Variants in OVCH1 observed in about 807,000 individuals in gnomAD.
The protein encoded by OVCH1 is ovochymase-1.
OVCH1 carries 139 observed loss-of-function variants against 138.4 expected under a neutral mutation model. That is an observed-to-expected ratio of 1.00 (90% confidence interval 0.87 to 1.16). OVCH1 has a LOEUF of 1.16. OVCH1 is among the 50% of genes most tolerant of loss of function. The probability of loss-of-function intolerance (pLI) is 0.00; values close to 1 mark genes in which losing one functional copy is unlikely to be tolerated. For synonymous variants in OVCH1, 453 were observed against 467.8 expected (o/e 0.97, Z 0.41); for missense variants, 1,367 against 1,357.9 (o/e 1.01, Z -0.11).
chr12:29,461,811 T>C, intron 19 of OVCH1, 43 bp downstream of exon 19: 2 of 1,611,474 alleles, frequency 1.2e-6, no homozygotes, highest in African/African-American at 1.3e-5. Flanking sequence ...CTTCAGCAGA[T>C]GGCAATTTTC....
intron 8 of OVCH1, among the ~76,000 whole-genome samples, chr12:29,481,325 T>C (rs888896680): frequency 6.6e-6 from 1 of 152,154 alleles, no homozygotes; most frequent in African/African-American, 2.4e-5. Flanking sequence ...AAGCAGTATT[T>C]TACAATGAAT....
downstream of OVCH1, among the ~76,000 whole-genome samples, chr12:29,410,501 G>C (rs1186071687): frequency 7.8e-6 from 1 of 128,894 alleles, no homozygotes; most frequent in African/African-American, 2.5e-5. Flanking sequence ...TTAGGTCAGG[G>C]CTGGTGGTGA....
Position 29,415,599 on chromosome 12 carries a change from A to G in OVCH1, c.*72-2874T>C, listed in dbSNP as rs546544924. Among the ~76,000 whole-genome samples, 3 of 152,348 alleles carry G rather than the reference A, an allele frequency of 2.0e-5. No individual in the cohort carries two copies. The South Asian group carries it at 6.2e-4, about 32-fold the overall frequency. Reference sequence around the variant, plus strand: ...GCAATACTTAGGTATACACTTAGCAAAACAGGTACAAGATCTGTATGCTGA... The same window carrying G: ...GCAATACTTAGGTATACACTTAGCAGAACAGGTACAAGATCTGTATGCTGA... On this transcript the variant is annotated intron_variant and NMD_transcript_variant, in intron 3 of 4. Transcript: ENST00000539117.
At chr12:29,410,829 C>G (rs1321028310), downstream of OVCH1, among the ~76,000 whole-genome samples, 2 of 151,096 alleles carry the variant, frequency 1.3e-5, no homozygotes, top group African/African-American at 2.4e-5. Flanking sequence ...GTGGTGTTCT[C>G]TGTATTTCCT....
chr12:29,405,093 T>C, the OVCH1 span, among the ~76,000 whole-genome samples: 6 of 144,586 alleles, frequency 4.1e-5, no homozygotes, highest in Non-Finnish European at 6.0e-5. Context: ...CAAAAACCAT[T>C]GAATATCAGC....
At chr12:29,457,387 ATTTTTTTTTTT>A (rs57856732) in intron 19 of OVCH1, among the ~76,000 whole-genome samples, 1 of 68,818 alleles carries the variant, frequency 1.5e-5, no homozygotes, top group Non-Finnish European at 2.5e-5. Flanking sequence ...AAACAAATGA[ATTTTTTTTTTT>A]TTTTTTTTTT....
chr12:29,495,294 CTT>C lies in OVCH1; in HGVS notation c.443_444del (p.Lys148SerfsTer14). Reference sequence around the variant, plus strand: ...AACTCTCCATACTCACCAAACTTGACTTTGTGTTTTAGATACAGCAGTGCAAT... The same window carrying C: ...AACTCTCCATACTCACCAAACTTGACTGTGTTTTAGATACAGCAGTGCAAT... On this transcript the variant is annotated frameshift_variant, in exon 4 of 28. Transcript: ENST00000318184. LOFTEE classifies it high-confidence loss of function. The C allele has an allele frequency of 2.5e-6, 4 of 1,608,744 alleles. No individual in the cohort carries two copies. Among genetic ancestry groups the C allele is most frequent in the Non-Finnish European group, 3.4e-6 (4 of 1,177,842 alleles).
intron 13 of OVCH1, 85 bp from the exon 14 acceptor site, chr12:29,475,274 A>T: frequency 8.9e-7 from 1 of 1,126,606 alleles, no homozygotes; most frequent in Non-Finnish European, 1.2e-6. Context: ...CAATTTTCTA[A>T]TCAACTACTT....
At chr12:29,440,070 G>A (rs984894038) in intron 25 of OVCH1, among the ~76,000 whole-genome samples, 2 of 152,064 alleles carry the variant, frequency 1.3e-5, no homozygotes, top group African/African-American at 4.8e-5. Context: ...TCACATCATT[G>A]GCAATTGCTG....
the OVCH1 span, among the ~76,000 whole-genome samples, chr12:29,402,632 A>G: frequency 3.3e-5 from 5 of 151,676 alleles, no homozygotes; most frequent in African/African-American, 1.2e-4. Context: ...AGAGTATAAG[A>G]GATTGGGGAG....
chr12:29,451,691 A>G (rs1941801308), intron 21 of OVCH1, 122 bp from the exon 22 acceptor site: 4 of 690,624 alleles, frequency 5.8e-6, no homozygotes, highest in Non-Finnish European at 2.4e-6. Context: ...TGTTACTGTC[A>G]GTTACAAATT....
chr12:29,497,600 G>A lies in OVCH1; in HGVS notation c.64+23C>T, dbSNP rs554380744. Reference sequence around the variant, plus strand: ...CACGCTCAGCCTCCTCCGCAGTCCTGGTGCCCAGGTCCCTAGGCTCACCTA... The same window carrying A: ...CACGCTCAGCCTCCTCCGCAGTCCTAGTGCCCAGGTCCCTAGGCTCACCTA... On this transcript the variant is annotated intron_variant, in intron 1 of 27. Coordinates refer to ENST00000318184, the Ensembl canonical transcript of OVCH1. 8.7e-6 allele frequency: 14 copies of A among 1,613,106 alleles called. No homozygotes were observed. The East Asian group carries it at 2.9e-4, about 33-fold the overall frequency.
chr12:29,471,387 T>G (rs1942502580), intron 16 of OVCH1, among the ~76,000 whole-genome samples: 1 of 152,132 alleles, frequency 6.6e-6, no homozygotes, highest in African/African-American at 2.4e-5. Context: ...ACCAATCTGG[T>G]GGAAGGTGGC....
At chr12:29,474,076 C>CACACAT (rs1371162988) in intron 14 of OVCH1, among the ~76,000 whole-genome samples, 30 of 120,600 alleles carry the variant, frequency 2.5e-4, no homozygotes, top group African/African-American at 1.2e-3. Flanking sequence ...CACACACATA[C>CACACAT]ACACACACAC....
chr12:29,481,631 AT>A (rs985297773), intron 8 of OVCH1, among the ~76,000 whole-genome samples: 3 of 152,038 alleles, frequency 2.0e-5, no homozygotes, highest in African/African-American at 7.2e-5. Flanking sequence ...AACCTTCTTT[AT>A]TTGTTGTGTT....
At chr12:29,414,878 T>A (rs1208227561) in intron 3 of OVCH1, among the ~76,000 whole-genome samples, 1 of 151,890 alleles carries the variant, frequency 6.6e-6, no homozygotes, top group Non-Finnish European at 1.5e-5. Context: ...GTCTTTAATA[T>A]TATGAAGCAA....
At chr12:29,404,443 C>T in the OVCH1 span, among the ~76,000 whole-genome samples, 1 of 152,202 alleles carries the variant, frequency 6.6e-6, no homozygotes, top group African/African-American at 2.4e-5. Context: ...CTTTATCTCG[C>T]TGATTTCTGC....
intron 3 of OVCH1, among the ~76,000 whole-genome samples, chr12:29,417,242 C>T (rs1349152911): frequency 6.6e-6 from 1 of 151,942 alleles, no homozygotes; most frequent in African/African-American, 2.4e-5. Context: ...CACCTGAGGT[C>T]AGGAGTTCGA....
intron 8 of OVCH1, among the ~76,000 whole-genome samples, chr12:29,479,909 C>A (rs1418312817): frequency 2.0e-5 from 3 of 149,024 alleles, no homozygotes; most frequent in African/African-American, 7.4e-5. Flanking sequence ...CTGCAACCTA[C>A]ACCTCCCAGG....
Sources: allele counts gnomAD v4.1 joint callset (sites outside exome capture counted in the v4.1 genomes callset), GRCh38; gene constraint gnomAD v4.1.1; transcripts MANE v1.5; gene names NCBI Gene and HGNC (gene_info 2026-07-23, HGNC 2026-07-21).